Variants in PLA2G4D observed in about 807,000 individuals in gnomAD.
The protein encoded by PLA2G4D is phospholipase A2 group IVD, also known as cytosolic phospholipase A2 delta.
Under a neutral mutation model 94.4 loss-of-function variants are expected in PLA2G4D, and 80 were observed. The ratio of observed to expected loss-of-function variants is 0.85; its 90% CI spans 0.71 to 1.02. The LOEUF is 1.02. PLA2G4D is among the 50% of genes least tolerant of loss of function. PLA2G4D has a pLI of 0.00. For missense variants in PLA2G4D, 1,050 were observed against 1,034.7 expected (o/e 1.01, Z -0.20); for synonymous variants, 438 against 440.9 (o/e 0.99, Z 0.08).
Position 42,068,534 on chromosome 15 carries a change from A to G in PLA2G4D, c.*181T>C, listed in dbSNP as rs917803540. The G allele has an allele frequency of 1.6e-6, 1 of 620,262 alleles. No individual in the cohort carries two copies. The highest frequency in any genetic ancestry group is 2.0e-5 in the South Asian group (1 of 50,202). The allele number at this position is 620,262 out of a possible 1,614,324, so 38.4% of individuals were successfully genotyped here. A position where few individuals can be genotyped will look rare whatever the true frequency, so the allele number is the denominator to read the frequency against. ...AGTTATTTTCAACTCATCTCAAGCC[A>G]GCCATGAACGTAAGAGAGAAGTCTG... On this transcript the variant is annotated 3_prime_UTR_variant, in exon 20 of 20. Transcript: ENST00000290472.
rs575339272 is a variant in PLA2G4D at position 42,071,281 on chromosome 15, C to G, written c.1718G>C (p.Arg573Pro). The G allele has an allele frequency of 1.2e-5, 19 of 1,598,964 alleles. No homozygotes were observed. The South Asian group carries it at 1.9e-4, about 16-fold the overall frequency. ...EPLTTSGTSS[R>P]LEASWLQPGT... is the part of the protein sequence containing the mutation. ...TGGCTGCAGCCACGAGGCCTCCAGC[C>G]GCGAGGAGGTCCCCGAGGTGGTCAG... The change falls in exon 17 of 20, where the codon CGG becomes CCG. Residue 573 changes from arginine (R) to proline (P), a missense_variant. Physicochemically the swap from Arg to Pro is moderately radical, Grantham distance 103. Coordinates refer to ENST00000290472, the MANE Select transcript of PLA2G4D (RefSeq NM_178034.4).
chr15:42,071,221 A>C lies in PLA2G4D; in HGVS notation c.1778T>G (p.Leu593Arg), dbSNP rs952473322. The part of the protein sequence containing the change: ...TALAQAFKGF[L>R]TGRPLHQRSP... ...GCGCTGGTGGAGGGGCCTGCCTGTC[A>C]GGAAGCCTTTAAATGCCTGGGCCAG... is the stretch of plus-strand genomic sequence containing the variant. Residue 593 changes from leucine to arginine, a missense_variant, in exon 17 of 20, where the codon CTG (leucine) becomes CGG (arginine). Transcript: ENST00000290472. 4 of 1,613,144 alleles carry C rather than the reference A, an allele frequency of 2.5e-6. No individual in the cohort carries two copies. In the African/African-American group the frequency reaches 5.3e-5, roughly 22 times the overall value.
chr15:42,085,889 C>T (rs1595597754), intron 4 of PLA2G4D, among the ~76,000 whole-genome samples: 1 of 152,220 alleles, frequency 6.6e-6, no homozygotes. Context: ...GTCCCCACCC[C>T]CAGGCTGCAG....
At position 42,068,891 on chromosome 15, in the gene PLA2G4D, C is replaced by T. The variant is rs766219776; in HGVS notation, c.2281G>A (p.Gly761Arg). ...GACAGGGTGTAGGGGCAGGTGGCCCCGGTGAGATCCACTTGGCCACCCTGG... is the reference window on the plus strand; with the variant it reads ...GACAGGGTGTAGGGGCAGGTGGCCCTGGTGAGATCCACTTGGCCACCCTGG... ...ELQGGQVDLTGATCPYTLSNM... is the reference protein window; with the variant it reads ...ELQGGQVDLTRATCPYTLSNM... The change falls in exon 20 of 20, where the codon GGG becomes AGG. Residue 761 changes from glycine to arginine, a missense_variant. Physicochemically the swap from Gly to Arg is moderately radical, Grantham distance 125. Coordinates refer to ENST00000290472, the MANE Select transcript of PLA2G4D (RefSeq NM_178034.4). 64 of 1,612,998 alleles carry T rather than the reference C, an allele frequency of 4.0e-5. No homozygotes were observed. The highest frequency in any genetic ancestry group is 2.3e-4 in the Admixed American group (14 of 60,004).
rs1444379588 is a variant in PLA2G4D at position 42,070,040 on chromosome 15, A to C, written c.2099T>G (p.Val700Gly). ...GTGCTGGTCCTGAGGGCTGGGTTCC[A>C]CCCGGGGGAAGGGCAGCCCCCGGGC... ...CRARGLPFPR[V>G]EPSPQDQHQP... Residue 700 changes from valine to glycine, a missense_variant, in exon 19 of 20, where the codon GTG becomes GGG. By Grantham distance (109) the Val-to-Gly change is moderately radical. Coordinates refer to ENST00000290472, the MANE Select transcript of PLA2G4D (RefSeq NM_178034.4). 29 of 1,518,498 alleles carry C rather than the reference A, an allele frequency of 1.9e-5. No individual in the cohort carries two copies. Among genetic ancestry groups the C allele is most frequent in the Non-Finnish European group, 2.6e-5 (29 of 1,133,638 alleles). 94.1% of individuals were successfully genotyped at this position (1,518,498 alleles called of 1,614,324 possible). A position where few individuals can be genotyped will look rare whatever the true frequency, so the allele number is the denominator to read the frequency against.
chr15:42,081,336 C>A, intron 11 of PLA2G4D, 143 bp downstream of exon 11: 1 of 1,445,002 alleles, frequency 6.9e-7, no homozygotes, highest in Middle Eastern at 2.5e-4. Flanking sequence ...GGAGTTAGAA[C>A]CACAAAGCCC....
chr15:42,080,863 A>G (rs1404820403), intron 12 of PLA2G4D, 134 bp downstream of exon 12: 1 of 1,227,662 alleles, frequency 8.1e-7, no homozygotes, highest in East Asian at 2.7e-5. Context: ...CCTTGTGGGA[A>G]AGCTGCTTGG....
intron 13 of PLA2G4D, among the ~76,000 whole-genome samples, chr15:42,075,914 G>C (rs889160664): frequency 2.3e-5 from 3 of 129,104 alleles, no homozygotes; most frequent in African/African-American, 8.1e-5. Context: ...AGGGAGAGGG[G>C]AGGGGAGGGG....
In PLA2G4D at chr15:42,084,708, G is replaced by A. The variant is rs1331273416; in HGVS notation, c.471+388C>T. ...GTACACCGCCCTGGGAACTCCCTCT[G>A]AGCCTCGGTGACCTCAACGTGAACA... On this transcript the variant is annotated intron_variant, in intron 6 of 19. Coordinates refer to ENST00000290472, the MANE Select transcript of PLA2G4D (RefSeq NM_178034.4). The surrounding 1 kb of genome is among the most constrained non-coding windows in gnomAD (Gnocchi z 4.8). 1.3e-5 allele frequency among the ~76,000 whole-genome samples: 2 copies of A among 152,156 alleles called. No homozygotes were observed. The highest frequency in any genetic ancestry group is 2.9e-5 in the Non-Finnish European group (2 of 68,032).
Position 42,086,194 on chromosome 15 carries a change from T to TGGGGGGGGGCGC in PLA2G4D, c.387+18_387+19insGCGCCCCCCCCC. 10 of 1,370,438 alleles carry TGGGGGGGGGCGC rather than the reference T, an allele frequency of 7.3e-6. No individual in the cohort carries two copies. The highest frequency in any genetic ancestry group is 7.7e-6 in the Non-Finnish European group (8 of 1,043,080). The allele number at this position is 1,370,438 out of a possible 1,614,324, so 84.9% of individuals were successfully genotyped here. ...GGAAGAAGTGGGGCCCACGGGGACT[T>TGGGGGGGGGCGC]CCCCACCCACCCACCCACCTGGGGA... On this transcript the variant is annotated intron_variant, in intron 4 of 19. Coordinates refer to ENST00000290472, the MANE Select transcript of PLA2G4D (RefSeq NM_178034.4).
In PLA2G4D at chr15:42,072,348, C is replaced by T; in HGVS notation, c.1362G>A (p.Arg454=). 1 of 1,613,632 alleles carries T rather than the reference C, an allele frequency of 6.2e-7. No individual in the cohort carries two copies. Among genetic ancestry groups the T allele is most frequent in the Non-Finnish European group, 8.5e-7 (1 of 1,179,986 alleles). The change falls in exon 14 of 20, where the codon CGG becomes CGA. Residue 454 remains arginine, a synonymous_variant. Coordinates refer to ENST00000290472, the MANE Select transcript of PLA2G4D (RefSeq NM_178034.4). ...KLSGQRAALE[R]GQNPLPLYLS... ...AGTAGAGGGGCAGAGGGTTCTGACC[C>T]CGTTCCAGGGCGGCTCTCTGTCCTG...
intron 8 of PLA2G4D, 68 bp from the exon 9 acceptor site, chr15:42,082,457 A>G: frequency 1.9e-6 from 2 of 1,063,222 alleles, no homozygotes; most frequent in Admixed American, 1.8e-5. Flanking sequence ...TATCTAGACT[A>G]CAATCCAGAC....
Position 42,086,194 on chromosome 15 carries a change from T to TGGGGGGGGCGGC in PLA2G4D, c.387+18_387+19insGCCGCCCCCCCC. The TGGGGGGGGCGGC allele has an allele frequency of 7.3e-7, 1 of 1,370,444 alleles. No homozygotes were observed. The highest frequency in any genetic ancestry group is 9.6e-7 in the Non-Finnish European group (1 of 1,043,084). The allele number at this position is 1,370,444 out of a possible 1,614,324, so 84.9% of individuals were successfully genotyped here. A position where few individuals can be genotyped will look rare whatever the true frequency, so the allele number is the denominator to read the frequency against. On this transcript the variant is annotated intron_variant, in intron 4 of 19. Transcript: ENST00000290472. ...GGAAGAAGTGGGGCCCACGGGGACTTCCCCACCCACCCACCCACCTGGGGA... is the reference window on the plus strand; with the variant it reads ...GGAAGAAGTGGGGCCCACGGGGACTTGGGGGGGGCGGCCCCCACCCACCCACCCACCTGGGGA...
In PLA2G4D at chr15:42,070,098, G is replaced by A. The variant is rs753178231; in HGVS notation, c.2044-3C>T. 6.7e-7 allele frequency: 1 copy of A among 1,503,054 alleles called. No homozygotes were observed. The highest frequency in any genetic ancestry group is 2.3e-5 in the Admixed American group (1 of 43,224). 93.1% of individuals were successfully genotyped at this position (1,503,054 alleles called of 1,614,324 possible). A position where few individuals can be genotyped will look rare whatever the true frequency, so the allele number is the denominator to read the frequency against. ...TACAGCTCCGTCTGCTGCAGTGCCT[G>A]GTGGGGAGAAGGTGGCCCGGAGAGA... is the stretch of plus-strand genomic sequence containing the variant. On this transcript the variant is annotated splice_polypyrimidine_tract_variant and splice_region_variant and intron_variant, in intron 18 of 19. Transcript: ENST00000290472.
At chr15:42,085,600 A>G in intron 4 of PLA2G4D, 69 bp from the exon 5 acceptor site, 3 of 1,499,260 alleles carry the variant, frequency 2.0e-6, no homozygotes, top group African/African-American at 1.4e-5. Flanking sequence ...CAGTTCTTTT[A>G]CAGGTGTCAT....
chr15:42,085,339 T>C (rs919893530), intron 5 of PLA2G4D, 152 bp downstream of exon 5: 1 of 1,055,272 alleles, frequency 9.5e-7, no homozygotes. Context: ...TGTGTTTCCC[T>C]AAGAGAAGCC....
chr15:42,081,085 T>A lies in PLA2G4D; in HGVS notation c.1006A>T (p.Thr336Ser). 6.2e-7 allele frequency: 1 copy of A among 1,614,092 alleles called. No homozygotes were observed. The highest frequency in any genetic ancestry group is 8.5e-7 in the Non-Finnish European group (1 of 1,179,992). The change falls in exon 12 of 20, where the codon ACC (threonine) becomes TCC (serine). Residue 336 changes from threonine (T) to serine (S), a missense_variant. Physicochemically the swap from Thr to Ser is moderately conservative, Grantham distance 58. Transcript: ENST00000290472. ...GCCAATAGGTGGCCGTAGAGTGAGG[T>A]CATGGCCCGGGCACCTCCTCCTGTG... ...MATGGGARAM[T>S]SLYGHLLALQ... is the part of the protein sequence containing the mutation.
In PLA2G4D at chr15:42,081,093, C is replaced by CG. The variant is rs1566863152; in HGVS notation, c.997dup (p.Arg333ProfsTer43). The CG allele has an allele frequency of 6.2e-7, 1 of 1,614,210 alleles. No individual in the cohort carries two copies. Among genetic ancestry groups the CG allele is most frequent in the South Asian group, 1.1e-5 (1 of 91,088 alleles). On this transcript the variant is annotated frameshift_variant, in exon 12 of 20. Transcript: ENST00000290472. LOFTEE classifies it high-confidence loss of function. ...GTGGCCGTAGAGTGAGGTCATGGCC[C>CG]GGGCACCTCCTCCTGTGGCCATGAT...
chr15:42,090,164 C>A (rs986848657), intron 1 of PLA2G4D, among the ~76,000 whole-genome samples: 3 of 152,148 alleles, frequency 2.0e-5, no homozygotes, highest in African/African-American at 7.2e-5. Flanking sequence ...CACTAAACTT[C>A]TCTGTGCCTC....
Sources: gnomAD v4.1 joint callset for allele counts (sites outside exome capture counted in the v4.1 genomes callset) on GRCh38, gnomAD v4.1.1 for gene constraint, Gnocchi (gnomAD v3.1) non-coding constraint, MANE v1.5 for transcripts, NCBI Gene and HGNC (gene_info 2026-07-23, HGNC 2026-07-21) for gene names.